Variants in BANK1 observed in about 807,000 individuals in gnomAD.
BANK1 encodes B-cell scaffold protein with ankyrin repeats.
BANK1 carries 95 observed loss-of-function variants against 94.5 expected under a neutral mutation model. The observed-to-expected ratio is 1.00, with a 90% CI of 0.85 to 1.19. The LOEUF (loss-of-function observed/expected upper bound fraction) is 1.19. Ranked by LOEUF, BANK1 falls within the 50% of genes most tolerant of loss-of-function variation. The probability of loss-of-function intolerance (pLI) is 0.00; values close to 1 mark genes in which losing one functional copy is unlikely to be tolerated. For missense variants in BANK1, 987 were observed against 932.2 expected (o/e 1.06, Z -0.77); for synonymous variants, 334 against 308.4 (o/e 1.08, Z -0.87).
At chr4:101,807,800 G>T (rs1211815684) in intron 1 of BANK1, among the ~76,000 whole-genome samples, 1 of 152,112 alleles carries the variant, frequency 6.6e-6, no homozygotes, top group Non-Finnish European at 1.5e-5. Flanking sequence ...AAAATTCAGG[G>T]CCGGGCGTGG....
rs776031285 is a variant in BANK1 at position 102,072,316 on chromosome 4, A to AG, written c.2243-28dup. 7 of 1,477,402 alleles carry AG rather than the reference A, an allele frequency of 4.7e-6. No individual in the cohort carries two copies. In the Admixed American group the frequency reaches 1.2e-4, roughly 26 times the overall value. 91.5% of individuals were successfully genotyped at this position (1,477,402 alleles called of 1,614,324 possible). ...AATCATCAAATTTGTGAATGAATAA[A>AG]GAGGTAATAACTGAGTTTGTATTTC... On this transcript the variant is annotated intron_variant, in intron 14 of 16. Transcript: ENST00000322953.
chr4:101,974,622 A>G (rs1725063266), intron 7 of BANK1, among the ~76,000 whole-genome samples: 1 of 152,128 alleles, frequency 6.6e-6, no homozygotes, highest in Non-Finnish European at 1.5e-5. Context: ...TAAATCTAAT[A>G]CATTTTAAAC....
chr4:101,933,682 G>A (rs1652915175), intron 7 of BANK1, among the ~76,000 whole-genome samples: 1 of 151,460 alleles, frequency 6.6e-6, no homozygotes, highest in Non-Finnish European at 1.5e-5. Context: ...GTAAAAATCA[G>A]CATTCAGAAA....
chr4:102,039,354 AC>A (rs1208451410), intron 10 of BANK1, among the ~76,000 whole-genome samples: 1 of 152,176 alleles, frequency 6.6e-6, no homozygotes, highest in Non-Finnish European at 1.5e-5. Flanking sequence ...CAAAGAGGCT[AC>A]CTACATACAT....
intron 6 of BANK1, among the ~76,000 whole-genome samples, chr4:101,896,511 G>A (rs77995426): frequency 0.087 from 13,214 of 151,934 alleles, 850 homozygotes; most frequent in African/African-American, 0.18. Flanking sequence ...GTGAGGTTCC[G>A]TTAGGAAGAA....
chr4:101,937,913 A>G (rs892852356), intron 7 of BANK1, among the ~76,000 whole-genome samples: 17 of 151,962 alleles, frequency 1.1e-4, no homozygotes, highest in Admixed American at 3.9e-4. Flanking sequence ...GCAGCCATAA[A>G]AAAGGATGAG....
At position 101,812,826 on chromosome 4, in the gene BANK1, A is replaced by G. The variant is rs1284523489; in HGVS notation, c.71-16982A>G. ...AGTTCAGAAAAGAGTTTGGTATTCAATCTTGTACAAAATGTTACCCAGGGA... is the reference window on the plus strand; with the variant it reads ...AGTTCAGAAAAGAGTTTGGTATTCAGTCTTGTACAAAATGTTACCCAGGGA... On this transcript the variant is annotated intron_variant, in intron 1 of 16. Transcript: ENST00000322953. Among the ~76,000 whole-genome samples, 4 of 152,116 alleles carry G rather than the reference A, an allele frequency of 2.6e-5. No homozygotes were observed. The East Asian group carries it at 5.8e-4, about 22-fold the overall frequency.
At chr4:101,813,538 C>A (rs1027832218) in intron 1 of BANK1, among the ~76,000 whole-genome samples, 1 of 152,090 alleles carries the variant, frequency 6.6e-6, no homozygotes, top group Non-Finnish European at 1.5e-5. Flanking sequence ...TTTCCTGAAC[C>A]CCAATTCTGG....
At chr4:101,837,060 C>T (rs773799581) in intron 2 of BANK1, among the ~76,000 whole-genome samples, 1 of 152,168 alleles carries the variant, frequency 6.6e-6, no homozygotes, top group African/African-American at 2.4e-5. Flanking sequence ...GGCTCTACGT[C>T]ACCTATGGAA....
chr4:101,868,971 G>A (rs886971399), intron 4 of BANK1, among the ~76,000 whole-genome samples: 4 of 151,620 alleles, frequency 2.6e-5, no homozygotes, highest in African/African-American at 7.3e-5. Context: ...CATCATTATC[G>A]GTAGATCCAC....
chr4:101,904,378 C>A (rs546552949), intron 6 of BANK1, among the ~76,000 whole-genome samples: 1 of 152,276 alleles, frequency 6.6e-6, no homozygotes, highest in South Asian at 2.1e-4. Flanking sequence ...GAGCTATGTG[C>A]CCATTTTCTA....
At position 101,829,998 on chromosome 4, in the gene BANK1, T is replaced by C; in HGVS notation, c.261T>C (p.Asn87=). 4 of 1,612,936 alleles carry C rather than the reference T, an allele frequency of 2.5e-6. No individual in the cohort carries two copies. The highest frequency in any genetic ancestry group is 2.7e-5 in the African/African-American group (2 of 74,976). ...SYKCKLLILS[N]SLLRDLTPKK... The stretch of plus-strand genomic sequence containing the variant: ...AATGTAAACTTTTGATATTATCAAA[T>C]AGCCTGCTTAGAGACCTAACTCCAA... The change falls in exon 2 of 17, where the codon AAT becomes AAC. Residue 87 remains asparagine, a synonymous_variant. Transcript: ENST00000322953.
At chr4:101,952,239 T>C (rs1183518003) in intron 7 of BANK1, among the ~76,000 whole-genome samples, 16 of 152,078 alleles carry the variant, frequency 1.1e-4, no homozygotes, top group Admixed American at 1.0e-3. Context: ...TGTAACATTG[T>C]TGAGAAAAAA....
intron 1 of BANK1, among the ~76,000 whole-genome samples, chr4:101,809,481 T>C (rs889014829): frequency 2.0e-5 from 3 of 152,070 alleles, no homozygotes; most frequent in African/African-American, 7.2e-5. Context: ...CCAAAACTAC[T>C]GAAATAAATA....
At chr4:101,834,435 T>C (rs535437898) in intron 2 of BANK1, among the ~76,000 whole-genome samples, 113 of 152,288 alleles carry the variant, frequency 7.4e-4, no homozygotes, top group South Asian at 1.9e-3. Context: ...AAGCATATAG[T>C]TGTATTTCCA....
rs1303988155 is a variant in BANK1, at chr4:101,974,205, G to C, written c.1207-47309G>C. Among the ~76,000 whole-genome samples, 4 of 152,024 alleles carry C rather than the reference G, an allele frequency of 2.6e-5. No homozygotes were observed. The East Asian group carries it at 7.7e-4, about 29-fold the overall frequency. On this transcript the variant is annotated intron_variant, in intron 7 of 16. Transcript: ENST00000322953. ...GTTTTATGTCAAAAAACCTAACTGA[G>C]TGGAGACAATTGAACTGAAACAACT...
At chr4:101,803,997 C>CAAAAAAAAAAAA (rs55704915) in intron 1 of BANK1, among the ~76,000 whole-genome samples, 3 of 68,388 alleles carry the variant, frequency 4.4e-5, no homozygotes, top group Admixed American at 2.5e-4. Context: ...GACTCCGTCT[C>CAAAAAAAAAAAA]AAAAAAAAAA....
chr4:101,958,787 G>A (rs895364061), intron 7 of BANK1, among the ~76,000 whole-genome samples: 3 of 152,202 alleles, frequency 2.0e-5, no homozygotes, highest in African/African-American at 7.2e-5. Flanking sequence ...TCTTGATGCA[G>A]CAAGTGCTGC....
At chr4:101,813,384 C>T (rs1363582444) in intron 1 of BANK1, among the ~76,000 whole-genome samples, 3 of 151,786 alleles carry the variant, frequency 2.0e-5, no homozygotes, top group Non-Finnish European at 4.4e-5. Flanking sequence ...TTCACATTAG[C>T]AAAACTTGAG....
Sources: allele counts gnomAD v4.1 joint callset (sites outside exome capture counted in the v4.1 genomes callset), GRCh38; gene constraint gnomAD v4.1.1; transcripts MANE v1.5; gene names NCBI Gene and HGNC (gene_info 2026-07-23, HGNC 2026-07-21).